NEK7: variants seen among roughly 807,000 people sequenced by gnomAD.
NEK7 encodes NIMA related kinase 7, also known as serine/threonine-protein kinase Nek7.
Under a neutral mutation model 44.6 loss-of-function variants are expected in NEK7, and 18 were observed. The observed-to-expected ratio is 0.40, with a 90% CI of 0.28 to 0.60. The LOEUF (loss-of-function observed/expected upper bound fraction) is 0.60, where lower values mean the gene tolerates loss of function less well. NEK7 is among the 20% of genes least tolerant of loss of function. The probability of loss-of-function intolerance (pLI) is 0.38; values close to 1 mark genes in which losing one functional copy is unlikely to be tolerated. For missense variants in NEK7, 256 were observed against 366.5 expected (o/e 0.70, Z 2.46); for synonymous variants, 130 against 121.1 (o/e 1.07, Z -0.48).
At chr1:198,246,350 C>T (rs1176045784) in intron 2 of NEK7, among the ~76,000 whole-genome samples, 1 of 152,228 alleles carries the variant, frequency 6.6e-6, no homozygotes, top group Non-Finnish European at 1.5e-5. Context: ...AGCTGTCACT[C>T]ACCCACACTG....
chr1:198,245,955 T>C (rs1457284868), intron 2 of NEK7, among the ~76,000 whole-genome samples: 11 of 152,168 alleles, frequency 7.2e-5, no homozygotes, highest in African/African-American at 2.2e-4. Flanking sequence ...CCCAGTAACT[T>C]AAAACATATG....
At chr1:198,164,931 G>A (rs530038316) in intron 1 of NEK7, among the ~76,000 whole-genome samples, 1 of 152,318 alleles carries the variant, frequency 6.6e-6, no homozygotes, top group Non-Finnish European at 1.5e-5. Context: ...CTGCTTAAAA[G>A]TTTATGGAAT....
intron 9 of NEK7, among the ~76,000 whole-genome samples, chr1:198,302,104 C>T (rs202008279): frequency 1.3e-5 from 2 of 152,050 alleles, no homozygotes; most frequent in East Asian, 1.9e-4. Flanking sequence ...CCTTAAATTT[C>T]TGTTCATTTT....
At position 198,303,982 on chromosome 1, in the gene NEK7, A is replaced by T. The variant is rs1654959187; in HGVS notation, c.798+6742A>T. On this transcript the variant is annotated intron_variant, in intron 9 of 9. Transcript: ENST00000367385. Reference sequence around the variant, plus strand: ...TATAAATTGTTTCGGTAAATTTAACATTCTCATCACAGTATCAGTTGGCCA... The same window carrying T: ...TATAAATTGTTTCGGTAAATTTAACTTTCTCATCACAGTATCAGTTGGCCA... Among the ~76,000 whole-genome samples the T allele has an allele frequency of 5.9e-5, 9 of 152,314 alleles. No homozygotes were observed. In the South Asian group the frequency reaches 1.9e-3, roughly 32 times the overall value.
chr1:198,305,610 A>ACTG (rs1219453353), intron 9 of NEK7, among the ~76,000 whole-genome samples: 1 of 152,156 alleles, frequency 6.6e-6, no homozygotes, highest in Non-Finnish European at 1.5e-5. Flanking sequence ...GAGGGAGTTT[A>ACTG]CTGCCATTTC....
At chr1:198,186,694 A>G (rs1424709970) in intron 1 of NEK7, among the ~76,000 whole-genome samples, 3 of 152,168 alleles carry the variant, frequency 2.0e-5, no homozygotes, top group Non-Finnish European at 4.4e-5. Context: ...CCCATCAGCA[A>G]TTCAGATTAG....
At chr1:198,195,489 G>A (rs1347654835) in intron 1 of NEK7, among the ~76,000 whole-genome samples, 1 of 152,126 alleles carries the variant, frequency 6.6e-6, no homozygotes, top group Non-Finnish European at 1.5e-5. Flanking sequence ...AGCAAATATT[G>A]ACTTTTTAAA....
chr1:198,256,791 A>G (rs1336967476), intron 3 of NEK7, among the ~76,000 whole-genome samples: 2 of 152,180 alleles, frequency 1.3e-5, no homozygotes, highest in South Asian at 2.1e-4. Context: ...GGAGCTTAGG[A>G]AAGAGGCTTC....
At chr1:198,290,567 A>G (rs1654523232) in intron 7 of NEK7, among the ~76,000 whole-genome samples, 2 of 152,148 alleles carry the variant, frequency 1.3e-5, no homozygotes, top group Non-Finnish European at 1.5e-5. Context: ...ACGGAGGGGC[A>G]TATGAAGAAG....
chr1:198,207,206 C>T (rs1427407538), intron 1 of NEK7: 1 of 152,056 alleles, frequency 6.6e-6, no homozygotes, highest in African/African-American at 2.4e-5. Context: ...ACAGGAACAT[C>T]GCCGAGACCA....
At chr1:198,299,326 A>G (rs986146625) in intron 9 of NEK7, among the ~76,000 whole-genome samples, 1 of 152,206 alleles carries the variant, frequency 6.6e-6, no homozygotes, top group Non-Finnish European at 1.5e-5. Flanking sequence ...GCTAATAAAT[A>G]TTTTCTCTCC....
intron 3 of NEK7, chr1:198,256,393 C>T: frequency 1.9e-6 from 3 of 1,611,978 alleles, no homozygotes; most frequent in Non-Finnish European, 2.5e-6. Context: ...TCTTGGAAAT[C>T]ATAAAGGGAT....
chr1:198,221,429 A>AT (rs959658255), intron 1 of NEK7, among the ~76,000 whole-genome samples: 4 of 151,524 alleles, frequency 2.6e-5, no homozygotes, highest in East Asian at 1.9e-4. Flanking sequence ...AATATAATTA[A>AT]TTTTTTTTCT....
Position 198,262,645 on chromosome 1 carries a change from A to T in NEK7, c.261+8A>T. Reference sequence around the variant, plus strand: ...GAAATAGATCTTCTTAAGGTAATTAATGAACTGTTGACTCTTTTGAACATA... The same window carrying T: ...GAAATAGATCTTCTTAAGGTAATTATTGAACTGTTGACTCTTTTGAACATA... On this transcript the variant is annotated splice_region_variant and intron_variant, in intron 4 of 9. Coordinates refer to ENST00000367385, the MANE Select transcript of NEK7 (RefSeq NM_133494.3). 2 of 1,532,160 alleles carry T rather than the reference A, an allele frequency of 1.3e-6. No homozygotes were observed. Among genetic ancestry groups the T allele is most frequent in the Non-Finnish European group, 1.8e-6 (2 of 1,114,148 alleles). 94.9% of individuals were successfully genotyped at this position (1,532,160 alleles called of 1,614,324 possible). A position where few individuals can be genotyped will look rare whatever the true frequency, so the allele number is the denominator to read the frequency against.
chr1:198,211,990 T>A (rs1383306012), intron 1 of NEK7, among the ~76,000 whole-genome samples: 2 of 152,194 alleles, frequency 1.3e-5, no homozygotes, highest in Non-Finnish European at 2.9e-5. Flanking sequence ...CCCTACCCAG[T>A]CCTGGAGCTG....
intron 1 of NEK7, among the ~76,000 whole-genome samples, chr1:198,184,353 T>C (rs1242546803): frequency 6.6e-6 from 1 of 152,186 alleles, no homozygotes; most frequent in Non-Finnish European, 1.5e-5. Context: ...GTTCTAAATA[T>C]TATCTCTTCA....
At chr1:198,170,788 A>T (rs1039361701) in intron 1 of NEK7, among the ~76,000 whole-genome samples, 1 of 152,202 alleles carries the variant, frequency 6.6e-6, no homozygotes, top group Non-Finnish European at 1.5e-5. Context: ...TTATGTTTTT[A>T]AAATTTGATG....
chr1:198,235,607 AC>A (rs1666526441), intron 2 of NEK7, among the ~76,000 whole-genome samples: 1 of 152,230 alleles, frequency 6.6e-6, no homozygotes, highest in Admixed American at 6.5e-5. Context: ...CTAATTTTAA[AC>A]AATGGAAGTT....
intron 9 of NEK7, among the ~76,000 whole-genome samples, chr1:198,305,862 T>C (rs1197791765): frequency 1.3e-5 from 2 of 152,190 alleles, no homozygotes; most frequent in African/African-American, 2.4e-5. Context: ...TAACATTCTT[T>C]TGAAAGTCTA....
Sources: allele counts gnomAD v4.1 joint callset (sites outside exome capture counted in the v4.1 genomes callset), GRCh38; gene constraint gnomAD v4.1.1; transcripts MANE v1.5; gene names NCBI Gene and HGNC (gene_info 2026-07-23, HGNC 2026-07-21).